Variants in RPRD2 observed in about 807,000 individuals in gnomAD.
RPRD2 encodes the protein regulation of nuclear pre-mRNA domain-containing protein 2.
Under a neutral mutation model 104.4 loss-of-function variants are expected in RPRD2, and 12 were observed. The observed-to-expected ratio is 0.11, with a 90% CI of 0.07 to 0.19. RPRD2 has a LOEUF of 0.19. Among genes scored for constraint, RPRD2 ranks in the 10% least tolerant of loss-of-function variants. The pLI, the probability that RPRD2 is intolerant of heterozygous loss-of-function variation, is 1.00. For synonymous variants in RPRD2, 714 were observed against 684.9 expected (o/e 1.04, Z -0.66); for missense variants, 1,543 against 1,790.1 (o/e 0.86, Z 2.49).
chr1:150,409,982 T>C (rs1301308610), intron 1 of RPRD2, among the ~76,000 whole-genome samples: 4 of 152,074 alleles, frequency 2.6e-5, no homozygotes, highest in Admixed American at 2.6e-4. Context: ...CAGGAACATA[T>C]TCACTGAGAA....
chr1:150,404,772 G>GTC (rs1663335471), intron 1 of RPRD2, among the ~76,000 whole-genome samples: 2 of 151,960 alleles, frequency 1.3e-5, no homozygotes, highest in Admixed American at 6.6e-5. Context: ...GCCCGGCCTC[G>GTC]TCACATATTT....
intron 2 of RPRD2, among the ~76,000 whole-genome samples, chr1:150,437,602 CAG>C (rs1261333137): frequency 4.6e-5 from 7 of 151,974 alleles, no homozygotes; most frequent in African/African-American, 1.2e-4. Flanking sequence ...TTTTTAGAGA[CAG>C]AGTCTTACTC....
intron 1 of RPRD2, among the ~76,000 whole-genome samples, chr1:150,388,677 C>T (rs1321135784): frequency 4.0e-5 from 6 of 149,790 alleles, no homozygotes; most frequent in East Asian, 2.0e-4. Flanking sequence ...TGCAGTGGCG[C>T]GATCTTGCAA....
intron 1 of RPRD2, among the ~76,000 whole-genome samples, chr1:150,392,676 G>A (rs782177739): frequency 5.9e-5 from 9 of 151,860 alleles, no homozygotes; most frequent in Non-Finnish European, 1.2e-4. Context: ...GCAAGACTTC[G>A]TCTCTACTAA....
intron 9 of RPRD2, 96 bp downstream of exon 9, chr1:150,460,413 GT>G: frequency 7.8e-7 from 1 of 1,278,520 alleles, no homozygotes; most frequent in Non-Finnish European, 1.1e-6. Context: ...TGTTGTTGTT[GT>G]TGTTGTTTAG....
Position 150,473,465 on chromosome 1 carries a change from C to A in RPRD2, c.*131C>A. On this transcript the variant is annotated 3_prime_UTR_variant, in exon 11 of 11. Transcript: ENST00000369068. Reference sequence around the variant, plus strand: ...TTATTATAACAAAGGGCCTCTCTTCCAAAGTAAGAAATCACATACGCTTAC... The same window carrying A: ...TTATTATAACAAAGGGCCTCTCTTCAAAAGTAAGAAATCACATACGCTTAC... The A allele has an allele frequency of 1.2e-6, 1 of 808,538 alleles. No homozygotes were observed. Among genetic ancestry groups the A allele is most frequent in the Non-Finnish European group, 1.8e-6 (1 of 545,032 alleles). 50.1% of individuals were successfully genotyped at this position (808,538 alleles called of 1,614,324 possible).
intron 2 of RPRD2, among the ~76,000 whole-genome samples, chr1:150,432,106 C>A (rs1665637491): frequency 1.3e-5 from 2 of 149,924 alleles, no homozygotes; most frequent in African/African-American, 4.9e-5. Context: ...GTGTATTTTA[C>A]CACAATTTTC....
chr1:150,365,688 C>G (rs587760486), intron 1 of RPRD2, among the ~76,000 whole-genome samples: 1 of 152,230 alleles, frequency 6.6e-6, no homozygotes, highest in South Asian at 2.1e-4. Context: ...CTCCCGGGTT[C>G]AAGCGATTCT....
chr1:150,379,640 G>A (rs1322973440), intron 1 of RPRD2, among the ~76,000 whole-genome samples: 2 of 152,158 alleles, frequency 1.3e-5, no homozygotes, highest in Non-Finnish European at 2.9e-5. Flanking sequence ...AACCTCAGGT[G>A]ATCTGCCCGC....
chr1:150,431,002 A>G (rs935678748), intron 2 of RPRD2, among the ~76,000 whole-genome samples: 3 of 152,156 alleles, frequency 2.0e-5, no homozygotes, highest in Non-Finnish European at 2.9e-5. Context: ...AAAGGAAGCA[A>G]TAACATATAC....
intron 2 of RPRD2, among the ~76,000 whole-genome samples, chr1:150,436,269 T>A (rs587686235): frequency 6.6e-6 from 1 of 152,344 alleles, no homozygotes; most frequent in South Asian, 2.1e-4. Flanking sequence ...CTGCCCATGG[T>A]TAAAGGAGTA....
At chr1:150,433,171 G>T (rs1245185933) in intron 2 of RPRD2, among the ~76,000 whole-genome samples, 1 of 151,706 alleles carries the variant, frequency 6.6e-6, no homozygotes, top group Non-Finnish European at 1.5e-5. Context: ...TTTTAAAAAG[G>T]ACTACAATTA....
chr1:150,455,304 C>T (rs1314944349), intron 7 of RPRD2, among the ~76,000 whole-genome samples: 1 of 152,086 alleles, frequency 6.6e-6, no homozygotes, highest in Non-Finnish European at 1.5e-5. Flanking sequence ...CAGTTCAAGA[C>T]CAGCCTGGAC....
In RPRD2 at chr1:150,471,634, C is replaced by T. The variant is rs1668593465; in HGVS notation, c.2686C>T (p.Leu896Phe). The T allele has an allele frequency of 5.6e-6, 9 of 1,613,896 alleles. No homozygotes were observed. Among genetic ancestry groups the T allele is most frequent in the Non-Finnish European group, 7.6e-6 (9 of 1,179,872 alleles). The change falls in exon 11 of 11, where the codon CTC becomes TTC. Residue 896 changes from leucine (L) to phenylalanine (F), a missense_variant. Around this residue, in one of 4 missense-constraint regions of RPRD2, gnomAD observed 880 missense variants for 885.6 expected, o/e 0.99. Transcript: ENST00000369068. This position sits in a 1 kb window ranked among gnomAD's most constrained non-coding sequence, Gnocchi z 5.3. ...KSAFPPSVRA[L>F]LDSSENCDRL... ...TGCCTTCCCTCCATCTGTAAGGGCC[C>T]TCCTGGACTCTAGTGAGAACTGTGA... is the stretch of plus-strand genomic sequence containing the variant.
intron 9 of RPRD2, among the ~76,000 whole-genome samples, chr1:150,462,804 G>A (rs752695629): frequency 1.3e-5 from 2 of 152,032 alleles, no homozygotes; most frequent in Non-Finnish European, 2.9e-5. Context: ...ATCTGCTCGC[G>A]TTGGCCTCCC....
chr1:150,371,309 A>C (rs1173921903), intron 1 of RPRD2, among the ~76,000 whole-genome samples: 3 of 152,196 alleles, frequency 2.0e-5, no homozygotes, highest in Non-Finnish European at 4.4e-5. Context: ...TTAATTAGGT[A>C]TTATTATGAT....
chr1:150,378,672 T>C (rs1486670500), intron 1 of RPRD2, among the ~76,000 whole-genome samples: 1 of 152,166 alleles, frequency 6.6e-6, no homozygotes, highest in Non-Finnish European at 1.5e-5. Context: ...AATATAGTTA[T>C]TTTTAATTAA....
chr1:150,401,800 C>T (rs35057759), intron 1 of RPRD2, among the ~76,000 whole-genome samples: 49,601 of 151,056 alleles, frequency 0.33, 8,854 homozygotes, highest in Non-Finnish European at 0.4. Context: ...CCCGCCACCA[C>T]GCCCGGCTAA....
chr1:150,452,661 C>CTTTTTTTTTTTT (rs782322743), intron 7 of RPRD2, among the ~76,000 whole-genome samples: 5 of 71,220 alleles, frequency 7.0e-5, no homozygotes, highest in Admixed American at 1.9e-4. Context: ...GACATATCCC[C>CTTTTTTTTTTTT]TTTTTTTTTT....
Sources: allele counts gnomAD v4.1 joint callset (sites outside exome capture counted in the v4.1 genomes callset), GRCh38; gene constraint gnomAD v4.1.1; regional missense constraint gnomAD v4.1.1; non-coding constraint Gnocchi (gnomAD v3.1); transcripts MANE v1.5; gene names NCBI Gene and HGNC (gene_info 2026-07-23, HGNC 2026-07-21).